The following EYS variants were observed in gnomAD, a reference collection of about 807,000 sequenced individuals.
The protein encoded by EYS is EGF-like photoreceptor maintenance factor.
In EYS, 250 loss-of-function variants were observed where a neutral mutation model predicts 282.1. That is an observed-to-expected ratio of 0.89 (90% CI 0.80 to 0.98). The LOEUF is 0.98. Ranked by LOEUF, EYS falls within the 50% of genes least tolerant of loss-of-function variation. EYS has a pLI of 0.00. For missense variants in EYS, 4,016 were observed against 3,709.0 expected (o/e 1.08, Z -2.15); for synonymous variants, 1,355 against 1,282.9 (o/e 1.06, Z -1.20).
At chr6:64,681,622 G>A (rs911358885) in intron 22 of EYS, among the ~76,000 whole-genome samples, 1 of 152,064 alleles carries the variant, frequency 6.6e-6, no homozygotes, top group Non-Finnish European at 1.5e-5. Context: ...GGCCGGGCGC[G>A]GTGGCTCAGG....
chr6:65,200,097 T>A (rs1260428972), intron 12 of EYS, among the ~76,000 whole-genome samples: 4 of 152,036 alleles, frequency 2.6e-5, no homozygotes, highest in Admixed American at 2.6e-4. Context: ...CAGGAAAGAA[T>A]TGTGAGAAAG....
At chr6:64,900,350 G>A (rs1484417176) in intron 18 of EYS, among the ~76,000 whole-genome samples, 2 of 152,094 alleles carry the variant, frequency 1.3e-5, no homozygotes, top group African/African-American at 2.4e-5. Context: ...AACACCAAAA[G>A]CAATGGCAAC....
chr6:64,901,285 T>C (rs1405899256), intron 18 of EYS, among the ~76,000 whole-genome samples: 1 of 127,480 alleles, frequency 7.8e-6, no homozygotes, highest in Non-Finnish European at 1.6e-5. Context: ...GAAATACCTA[T>C]GTAGTTGAGT....
rs1036741820 is a variant in EYS at position 64,161,630 on chromosome 6, G to A, written c.6424+68962C>T. Among the ~76,000 whole-genome samples the A allele has an allele frequency of 3.9e-5, 6 of 152,156 alleles. No homozygotes were observed. In the East Asian group the frequency reaches 1.2e-3, roughly 29 times the overall value. ...TATGCCAGCAAACACTGGGGATAATGAGTCACCGAAAGTGAATATTTTTCA... is the reference window on the plus strand; with the variant it reads ...TATGCCAGCAAACACTGGGGATAATAAGTCACCGAAAGTGAATATTTTTCA... On this transcript the variant is annotated intron_variant, in intron 31 of 42. Coordinates refer to ENST00000503581, the MANE Select transcript of EYS (RefSeq NM_001142800.2).
At chr6:64,047,760 C>T (rs931068034) in intron 33 of EYS, among the ~76,000 whole-genome samples, 1 of 152,152 alleles carries the variant, frequency 6.6e-6, no homozygotes, top group African/African-American at 2.4e-5. Flanking sequence ...AAGGTTAAGT[C>T]ACTTGCTTGG....
intron 31 of EYS, among the ~76,000 whole-genome samples, chr6:64,122,307 T>A (rs1418571759): frequency 2.0e-5 from 3 of 152,174 alleles, no homozygotes; most frequent in African/African-American, 7.2e-5. Context: ...TAGCATGAAA[T>A]CTTCCCTGGA....
intron 22 of EYS, among the ~76,000 whole-genome samples, chr6:64,651,755 T>C (rs905629356): frequency 1.3e-5 from 2 of 152,178 alleles, no homozygotes; most frequent in African/African-American, 4.8e-5. Context: ...ATTTTATATA[T>C]CACTGAGAAT....
In EYS at chr6:64,656,790, T is replaced by A. The variant is rs76894252; in HGVS notation, c.3444-30545A>T. Among the ~76,000 whole-genome samples the A allele has an allele frequency of 5.8e-3, 884 of 152,298 alleles. 3 individuals are homozygous for A. Among genetic ancestry groups the A allele is most frequent in the Non-Finnish European group, 9.9e-3 (672 of 68,032 alleles). ...ATTCACCAGAATTTCTGTTCTGCTTTGCATGAAAGTAGTTTCTGAAATAAA... is the reference window on the plus strand; with the variant it reads ...ATTCACCAGAATTTCTGTTCTGCTTAGCATGAAAGTAGTTTCTGAAATAAA... On this transcript the variant is annotated intron_variant, in intron 22 of 42. Transcript: ENST00000503581.
chr6:64,938,727 G>T (rs1194985610), intron 15 of EYS, among the ~76,000 whole-genome samples: 2 of 151,688 alleles, frequency 1.3e-5, no homozygotes, highest in Middle Eastern at 3.4e-3. Flanking sequence ...TTTAAGGGAG[G>T]CTAGGATAAG....
At chr6:63,953,012 G>A (rs1446384192) in intron 35 of EYS, among the ~76,000 whole-genome samples, 1 of 152,132 alleles carries the variant, frequency 6.6e-6, no homozygotes. Flanking sequence ...GGTTAGTTCA[G>A]GATCTGTGCC....
At chr6:64,970,328 G>A (rs960687864) in intron 14 of EYS, among the ~76,000 whole-genome samples, 1 of 152,134 alleles carries the variant, frequency 6.6e-6, no homozygotes, top group Admixed American at 6.5e-5. Flanking sequence ...ATCCCGAGTA[G>A]CTGGGATTAC....
At chr6:65,244,012 T>C (rs535990104) in intron 12 of EYS, among the ~76,000 whole-genome samples, 6 of 152,348 alleles carry the variant, frequency 3.9e-5, no homozygotes, top group African/African-American at 1.4e-4. Context: ...ATCATTGTCA[T>C]AGTCCTCTTC....
At chr6:65,175,863 G>A (rs1765211211) in intron 12 of EYS, among the ~76,000 whole-genome samples, 1 of 151,406 alleles carries the variant, frequency 6.6e-6, no homozygotes, top group Non-Finnish European at 1.5e-5. Context: ...TACACACAAG[G>A]CATAGGTATG....
intron 23 of EYS, among the ~76,000 whole-genome samples, chr6:64,619,423 G>A (rs1323574228): frequency 6.6e-6 from 1 of 151,768 alleles, no homozygotes; most frequent in African/African-American, 2.4e-5. Flanking sequence ...TAGAGAGCTT[G>A]TACTCAACCC....
chr6:65,016,130 G>A (rs1242265977), intron 13 of EYS, among the ~76,000 whole-genome samples: 2 of 150,434 alleles, frequency 1.3e-5, no homozygotes, highest in Non-Finnish European at 3.0e-5. Flanking sequence ...TTGGGAGGCC[G>A]AGGTGGACAA....
intron 7 of EYS, among the ~76,000 whole-genome samples, chr6:65,398,444 CCTAT>C (rs765602584): frequency 1.3e-5 from 2 of 151,546 alleles, no homozygotes; most frequent in Non-Finnish European, 2.9e-5. Context: ...AAACTAGACC[CCTAT>C]CTTTTACCAT....
chr6:65,271,425 G>T (rs1767901231), intron 12 of EYS, among the ~76,000 whole-genome samples: 1 of 151,668 alleles, frequency 6.6e-6, no homozygotes, highest in Non-Finnish European at 1.5e-5. Flanking sequence ...CAACAAATTG[G>T]ATGGTGCCCA....
intron 30 of EYS, among the ~76,000 whole-genome samples, chr6:64,270,118 C>T (rs538825264): frequency 1.1e-4 from 16 of 152,070 alleles, no homozygotes; most frequent in Admixed American, 9.8e-4. Flanking sequence ...GTAATTCTGG[C>T]GTAGACATAT....
intron 12 of EYS, among the ~76,000 whole-genome samples, chr6:65,191,926 T>A (rs888271880): frequency 4.6e-5 from 7 of 151,110 alleles, no homozygotes; most frequent in Admixed American, 4.0e-4. Flanking sequence ...AACTTAAGGG[T>A]AATGCATTGT....
Sources: gnomAD v4.1 joint callset for allele counts (sites outside exome capture counted in the v4.1 genomes callset) on GRCh38, gnomAD v4.1.1 for gene constraint, MANE v1.5 for transcripts, NCBI Gene and HGNC (gene_info 2026-07-23, HGNC 2026-07-21) for gene names.